Variants in TNR observed in about 807,000 individuals in gnomAD.
TNR encodes the protein tenascin R.
In TNR, 45 loss-of-function variants were observed where a neutral mutation model predicts 150.4. The ratio of observed to expected loss-of-function variants is 0.30; its 90% CI spans 0.24 to 0.38. The LOEUF (loss-of-function observed/expected upper bound fraction) is 0.38. Ranked by LOEUF, TNR falls within the 10% of genes least tolerant of loss-of-function variation. TNR has a pLI of 1.00. For synonymous variants in TNR, 687 were observed against 678.4 expected (o/e 1.01, Z -0.20); for missense variants, 1,544 against 1,759.1 (o/e 0.88, Z 2.19).
At chr1:175,327,262 G>T (rs1352557100) in intron 21 of TNR, among the ~76,000 whole-genome samples, 2 of 151,962 alleles carry the variant, frequency 1.3e-5, no homozygotes, top group Admixed American at 6.6e-5. Flanking sequence ...CCAAAGCCTG[G>T]CTCCCCTTCC....
chr1:175,603,860 A>G (rs985647931), intron 1 of TNR, among the ~76,000 whole-genome samples: 6 of 152,226 alleles, frequency 3.9e-5, no homozygotes, highest in African/African-American at 1.4e-4. Flanking sequence ...TCCCCTGTCC[A>G]TGTGGCTAGA....
chr1:175,578,151 C>T (rs865866862), intron 1 of TNR, among the ~76,000 whole-genome samples: 1 of 152,062 alleles, frequency 6.6e-6, no homozygotes, highest in South Asian at 2.1e-4. Context: ...GAGCAGGGCT[C>T]GCCTCACAGT....
chr1:175,642,856 A>C (rs1270127681), intron 1 of TNR, among the ~76,000 whole-genome samples: 1 of 152,180 alleles, frequency 6.6e-6, no homozygotes, highest in Non-Finnish European at 1.5e-5. Context: ...ACTTGAGCCC[A>C]GGAGTTTGAG....
At chr1:175,324,966 C>A (rs1249918089) in intron 21 of TNR, among the ~76,000 whole-genome samples, 1 of 152,178 alleles carries the variant, frequency 6.6e-6, no homozygotes, top group Non-Finnish European at 1.5e-5. Context: ...TCAGATGACA[C>A]CCAAGAAACT....
intron 2 of TNR, 106 bp from the exon 3 acceptor site, chr1:175,406,883 A>G (rs1653989374): frequency 2.8e-6 from 2 of 726,446 alleles, no homozygotes; most frequent in Non-Finnish European, 4.4e-6. Flanking sequence ...GAGATTTTCA[A>G]GGGGGGGGCG....
intron 1 of TNR, among the ~76,000 whole-genome samples, chr1:175,618,081 A>C (rs1663838787): frequency 6.6e-6 from 1 of 152,236 alleles, no homozygotes; most frequent in African/African-American, 2.4e-5. Context: ...CTCAACCAAC[A>C]TTCCTTATGA....
At chr1:175,604,794 G>C (rs950243494) in intron 1 of TNR, among the ~76,000 whole-genome samples, 2 of 152,112 alleles carry the variant, frequency 1.3e-5, no homozygotes, top group African/African-American at 4.8e-5. Context: ...GGTCCCTAGC[G>C]CCCTCATTCT....
Position 175,449,377 on chromosome 1 carries a change from G to C in TNR, c.-63-42600C>G, listed in dbSNP as rs6679760. Among the ~76,000 whole-genome samples, 1,192 of 152,300 alleles carry C rather than the reference G, an allele frequency of 7.8e-3. 16 individuals carry two copies. The highest frequency in any genetic ancestry group is 0.025 in the African/African-American group (1,028 of 41,566). On this transcript the variant is annotated intron_variant, in intron 2 of 22. Transcript: ENST00000367674. ...ATTCCCAGGGTACCACAGGCTCTGAGTATCTCAAGGGTGGGCTAGTCCCAC... is the reference window on the plus strand; with the variant it reads ...ATTCCCAGGGTACCACAGGCTCTGACTATCTCAAGGGTGGGCTAGTCCCAC...
In TNR at chr1:175,392,029, T is replaced by C. The variant is rs191881173; in HGVS notation, c.1357-591A>G. 9.3e-4 allele frequency among the ~76,000 whole-genome samples: 142 copies of C among 152,296 alleles called. 1 individual carries two copies. The highest frequency in any genetic ancestry group is 3.2e-3 in the African/African-American group (134 of 41,562). ...TTGTTTCCCCTTCACCCAGATGAAT[T>C]AGGACTCAGTGACACAACCACATAT... On this transcript the variant is annotated intron_variant, in intron 6 of 22. Transcript: ENST00000367674.
At chr1:175,588,677 A>G (rs1417590511) in intron 1 of TNR, among the ~76,000 whole-genome samples, 1 of 152,224 alleles carries the variant, frequency 6.6e-6, no homozygotes, top group African/African-American at 2.4e-5. Context: ...GGCCCCTGAG[A>G]GACCTGCTCA....
chr1:175,351,610 T>C (rs10489319), intron 18 of TNR, among the ~76,000 whole-genome samples: 7,280 of 152,348 alleles, frequency 0.048, 249 homozygotes, highest in Middle Eastern at 0.19. Flanking sequence ...TGCCAGGCTT[T>C]GTGCAAGATA....
intron 1 of TNR, among the ~76,000 whole-genome samples, chr1:175,571,940 C>T (rs1487177714): frequency 6.6e-6 from 1 of 152,082 alleles, no homozygotes; most frequent in Non-Finnish European, 1.5e-5. Flanking sequence ...GGAACCAGGC[C>T]TATTTGCCCT....
At chr1:175,365,851 C>A (rs1406692107) in intron 11 of TNR, 24 bp downstream of exon 11, 1 of 1,604,360 alleles carries the variant, frequency 6.2e-7, no homozygotes, top group African/African-American at 1.3e-5. Context: ...CTGAACCTGG[C>A]TGGGATTTCT....
At chr1:175,585,135 T>C (rs1017267229) in intron 1 of TNR, among the ~76,000 whole-genome samples, 4 of 152,234 alleles carry the variant, frequency 2.6e-5, no homozygotes, top group African/African-American at 9.6e-5. Flanking sequence ...AAACTGATGA[T>C]GTGATCTGGG....
At chr1:175,481,187 A>G (rs768354028) in intron 2 of TNR, among the ~76,000 whole-genome samples, 2 of 152,226 alleles carry the variant, frequency 1.3e-5, no homozygotes, top group Non-Finnish European at 2.9e-5. Flanking sequence ...GCCTTATCTT[A>G]TAGTAAATGC....
At chr1:175,605,033 A>G (rs1403872154) in intron 1 of TNR, among the ~76,000 whole-genome samples, 7 of 152,326 alleles carry the variant, frequency 4.6e-5, no homozygotes, top group Non-Finnish European at 8.8e-5. Context: ...TCTCCAGGGT[A>G]CCAAAGGGAG....
chr1:175,650,822 C>G (rs1294405170), intron 1 of TNR, among the ~76,000 whole-genome samples: 9,323 of 66,804 alleles, frequency 0.14, 66 homozygotes, highest in Middle Eastern at 0.18. Flanking sequence ...TCCCCCACCT[C>G]CTTACTACCC....
At chr1:175,460,958 C>T (rs1656789584) in intron 2 of TNR, among the ~76,000 whole-genome samples, 1 of 152,154 alleles carries the variant, frequency 6.6e-6, no homozygotes, top group South Asian at 2.1e-4. Flanking sequence ...CACACATGCA[C>T]TTATGGGTGT....
At chr1:175,661,714 C>T (rs75994346) in intron 1 of TNR, among the ~76,000 whole-genome samples, 2,142 of 152,198 alleles carry the variant, frequency 0.014, 53 homozygotes, top group African/African-American at 0.049. Context: ...CTGCTCCCTG[C>T]TGGACATTTC....
Sources: allele counts gnomAD v4.1 joint callset (sites outside exome capture counted in the v4.1 genomes callset), GRCh38; gene constraint gnomAD v4.1.1; transcripts MANE v1.5; gene names NCBI Gene and HGNC (gene_info 2026-07-23, HGNC 2026-07-21).